BCL11B: variants seen among roughly 807,000 people sequenced by gnomAD.
BCL11B encodes the protein BCL11 transcription factor B, also known as B-cell lymphoma/leukemia 11B.
A neutral mutation model predicts 49.9 loss-of-function variants in BCL11B; 8 were observed. That is an observed-to-expected ratio of 0.16 (90% CI 0.09 to 0.29). The LOEUF (loss-of-function observed/expected upper bound fraction) is 0.29. BCL11B is among the 10% of genes least tolerant of loss of function. BCL11B has a pLI of 1.00. For synonymous variants in BCL11B, 739 were observed against 637.4 expected, an observed-to-expected ratio of 1.16 and a Z score of -2.40; for missense variants, 1,006 against 1,351.0, an observed-to-expected ratio of 0.74 and a Z score of 4.00.
chr14:99,235,450 G>A (rs1888468412), intron 2 of BCL11B, among the ~76,000 whole-genome samples: 1 of 152,122 alleles, frequency 6.6e-6, no homozygotes, highest in Admixed American at 6.5e-5. Flanking sequence ...ATTCTCACAA[G>A]TCGGAGAAAA....
rs1200647661 is a variant in BCL11B at position 99,172,889 on chromosome 14, G to C, written c.*1262C>G. On this transcript the variant is annotated 3_prime_UTR_variant, in exon 4 of 4. Coordinates refer to ENST00000357195, the MANE Select transcript of BCL11B (RefSeq NM_138576.4). ...TGGGAAGTAGCGCTGGGCACCTTCTGATGGAACTCATCCCCTGCTTTTTCA... is the reference window on the plus strand; with the variant it reads ...TGGGAAGTAGCGCTGGGCACCTTCTCATGGAACTCATCCCCTGCTTTTTCA... 8.7e-6 allele frequency: 2 copies of C among 228,692 alleles called. No homozygotes were observed. Among genetic ancestry groups the C allele is most frequent in the African/African-American group, 4.4e-5 (2 of 45,022 alleles). 14.2% of individuals were successfully genotyped at this position (228,692 alleles called of 1,614,324 possible).
chr14:99,268,896 T>C (rs2748809), intron 1 of BCL11B, among the ~76,000 whole-genome samples: 45,207 of 152,066 alleles, frequency 0.3, 8,300 homozygotes, highest in Non-Finnish European at 0.42. Flanking sequence ...TTCCCCAGCG[T>C]GGCTCTGAGC....
rs781456159 is a variant in BCL11B, at chr14:99,235,944, G to A, written c.428-4387C>T. Among the ~76,000 whole-genome samples the A allele has an allele frequency of 5.3e-5, 8 of 152,024 alleles. No homozygotes were observed. In the South Asian group the frequency reaches 6.2e-4, roughly 12 times the overall value. On this transcript the variant is annotated intron_variant, in intron 2 of 3. Transcript: ENST00000357195. ...TGGGCAGCAGGCAGCCAATCAAAACGCCAGAGCCTGTAATGAGGGCGATTG... is the reference window on the plus strand; with the variant it reads ...TGGGCAGCAGGCAGCCAATCAAAACACCAGAGCCTGTAATGAGGGCGATTG...
chr14:99,255,613 A>C (rs373303772), intron 2 of BCL11B, among the ~76,000 whole-genome samples: 3 of 152,200 alleles, frequency 2.0e-5, no homozygotes, highest in African/African-American at 7.2e-5. Context: ...CAAAAGCAGC[A>C]AATCTTTCCA....
At position 99,170,120 on chromosome 14, in the gene BCL11B, G is replaced by A. The variant is rs1016028799; in HGVS notation, c.*4031C>T. 4.4e-6 allele frequency: 1 copy of A among 227,016 alleles called. No homozygotes were observed. The highest frequency in any genetic ancestry group is 8.8e-6 in the Non-Finnish European group (1 of 113,778). 14.1% of individuals were successfully genotyped at this position (227,016 alleles called of 1,614,324 possible). A position where few individuals can be genotyped will look rare whatever the true frequency, so the allele number is the denominator to read the frequency against. On this transcript the variant is annotated 3_prime_UTR_variant, in exon 4 of 4. Transcript: ENST00000357195. The stretch of plus-strand genomic sequence containing the variant: ...GTAAGCTGGTGAGCACTGGCTAGCT[G>A]TTATGACTACAGGAAGACCACCCTG...
chr14:99,257,336 G>A lies in BCL11B; in HGVS notation c.427+135C>T. On this transcript the variant is annotated intron_variant, in intron 2 of 3. Transcript: ENST00000357195. This position sits in a 1 kb window ranked among gnomAD's most constrained non-coding sequence, Gnocchi z 6.2. ...ACCTGGATGGTGGACCCTCAGAAAGGGGGAGCCCCGGCTGGTGGCCCAGAG... is the reference window on the plus strand; with the variant it reads ...ACCTGGATGGTGGACCCTCAGAAAGAGGGAGCCCCGGCTGGTGGCCCAGAG... 8.1e-7 allele frequency: 1 copy of A among 1,236,994 alleles called. No homozygotes were observed. The highest frequency in any genetic ancestry group is 1.1e-6 in the Non-Finnish European group (1 of 919,554). 76.6% of individuals were successfully genotyped at this position (1,236,994 alleles called of 1,614,324 possible). A position where few individuals can be genotyped will look rare whatever the true frequency, so the allele number is the denominator to read the frequency against.
chr14:99,181,572 T>G (rs931346321), intron 3 of BCL11B, among the ~76,000 whole-genome samples: 1 of 152,088 alleles, frequency 6.6e-6, no homozygotes, highest in Non-Finnish European at 1.5e-5. Context: ...ACGAAGGAGG[T>G]TCTCCCACCA....
intron 3 of BCL11B, among the ~76,000 whole-genome samples, chr14:99,230,972 C>CGGGG (rs1349070804): frequency 6.8e-6 from 1 of 147,700 alleles, no homozygotes; most frequent in East Asian, 2.0e-4. Context: ...CTGGTCTTGG[C>CGGGG]GGGGCAGGGG....
intron 3 of BCL11B, among the ~76,000 whole-genome samples, chr14:99,190,183 T>C (rs1886980124): frequency 6.6e-6 from 1 of 151,286 alleles, no homozygotes; most frequent in African/African-American, 2.4e-5. Context: ...AGTTACAGCA[T>C]ATGTCTTTAA....
chr14:99,212,829 C>T (rs1265658683), intron 3 of BCL11B, among the ~76,000 whole-genome samples: 1 of 152,234 alleles, frequency 6.6e-6, no homozygotes, highest in Non-Finnish European at 1.5e-5. Flanking sequence ...GGCCATGATG[C>T]TCTCCAACCT....
intron 2 of BCL11B, among the ~76,000 whole-genome samples, chr14:99,244,082 TC>T (rs1302278758): frequency 6.6e-6 from 1 of 152,152 alleles, no homozygotes; most frequent in Non-Finnish European, 1.5e-5. Context: ...CTACCAGTTC[TC>T]CTCGAGGAAG....
At position 99,271,524 on chromosome 14, in the gene BCL11B, A is replaced by AAC; in HGVS notation, c.-307_-306insGT. On this transcript the variant is annotated 5_prime_UTR_variant, in exon 1 of 4. Coordinates refer to ENST00000357195, the MANE Select transcript of BCL11B (RefSeq NM_138576.4). ...AAATAAGAAAAAGAGGCAAAAAAAA[A>AAC]AAAAACTGCTGTTGCTTTCCGCGGA... is the stretch of plus-strand genomic sequence containing the variant. The AAC allele has an allele frequency of 4.6e-6, 1 of 215,764 alleles. No individual in the cohort carries two copies. Among genetic ancestry groups the AAC allele is most frequent in the Non-Finnish European group, 9.4e-6 (1 of 106,112 alleles). 13.4% of individuals were successfully genotyped at this position (215,764 alleles called of 1,614,324 possible). A position where few individuals can be genotyped will look rare whatever the true frequency, so the allele number is the denominator to read the frequency against.
chr14:99,197,540 G>A (rs1887212448), intron 3 of BCL11B, among the ~76,000 whole-genome samples: 1 of 152,118 alleles, frequency 6.6e-6, no homozygotes. Flanking sequence ...TCCTTTGGGT[G>A]TCAGAGGGTG....
At chr14:99,193,150 C>G (rs1887085940) in intron 3 of BCL11B, among the ~76,000 whole-genome samples, 1 of 152,198 alleles carries the variant, frequency 6.6e-6, no homozygotes, top group African/African-American at 2.4e-5. Context: ...CAGCCCCTCC[C>G]TGGCATCAAG....
chr14:99,254,072 T>G (rs1179376349), intron 2 of BCL11B, among the ~76,000 whole-genome samples: 1 of 152,172 alleles, frequency 6.6e-6, no homozygotes, highest in African/African-American at 2.4e-5. Context: ...CAGCTCACAC[T>G]CTGCCCATTA....
intron 3 of BCL11B, among the ~76,000 whole-genome samples, chr14:99,181,985 C>T (rs1442598354): frequency 6.6e-6 from 1 of 151,366 alleles, no homozygotes; most frequent in Non-Finnish European, 1.5e-5. Context: ...CATTTAAAAA[C>T]TATCCTCTTT....
Position 99,176,075 on chromosome 14 carries a change from G to A in BCL11B, c.761C>T (p.Pro254Leu), listed in dbSNP as rs1384401114. Residue 254 changes from proline (P) to leucine (L), a missense_variant, in exon 4 of 4, where the codon CCG becomes CTG. Physicochemically the swap from Pro to Leu is moderately conservative, Grantham distance 98. Transcript: ENST00000357195. Reference sequence around the variant, plus strand: ...CCGCGGCGTGAGCGAGCTGCTGGCCGGCCCGGGCTCCAGGTAGATGCGGAA... The same window carrying A: ...CCGCGGCGTGAGCGAGCTGCTGGCCAGCCCGGGCTCCAGGTAGATGCGGAA... Reference protein sequence around the residue: ...HGFRIYLEPGPASSSLTPRLT... With the variant: ...HGFRIYLEPGLASSSLTPRLT... 5.6e-6 allele frequency: 9 copies of A among 1,605,726 alleles called. No individual in the cohort carries two copies. Among genetic ancestry groups the A allele is most frequent in the Non-Finnish European group, 7.7e-6 (9 of 1,176,062 alleles).
At chr14:99,268,840 CCT>C (rs1321212588) in intron 1 of BCL11B, among the ~76,000 whole-genome samples, 1 of 152,162 alleles carries the variant, frequency 6.6e-6, no homozygotes, top group Non-Finnish European at 1.5e-5. Flanking sequence ...TTCTCCTTTG[CCT>C]CTCTCTTTTT....
intron 3 of BCL11B, among the ~76,000 whole-genome samples, chr14:99,202,819 G>A (rs947603676): frequency 1.3e-5 from 2 of 152,218 alleles, no homozygotes; most frequent in African/African-American, 2.4e-5. Flanking sequence ...CTCATGCAGC[G>A]CTGCCCCTGC....
Sources: allele counts gnomAD v4.1 joint callset (sites outside exome capture counted in the v4.1 genomes callset), GRCh38; gene constraint gnomAD v4.1.1; non-coding constraint Gnocchi (gnomAD v3.1); transcripts MANE v1.5; gene names NCBI Gene and HGNC (gene_info 2026-07-23, HGNC 2026-07-21).